Variants in BRINP2 observed in about 807,000 individuals in gnomAD.
The protein encoded by BRINP2 is BMP/retinoic acid-inducible neural-specific protein 2.
A neutral mutation model predicts 69.2 loss-of-function variants in BRINP2; 21 were observed. That is an observed-to-expected ratio of 0.30 (90% CI 0.22 to 0.44). BRINP2 has a LOEUF of 0.44. Among genes scored for constraint, BRINP2 ranks in the 20% least tolerant of loss-of-function variants. BRINP2 has a pLI of 1.00. For synonymous variants in BRINP2, 380 were observed against 394.1 expected (o/e 0.96, Z 0.42); for missense variants, 877 against 986.0 (o/e 0.89, Z 1.48).
At chr1:177,243,878 G>C (rs1483683958) in intron 2 of BRINP2, among the ~76,000 whole-genome samples, 1 of 150,552 alleles carries the variant, frequency 6.6e-6, no homozygotes, top group Non-Finnish European at 1.5e-5. Flanking sequence ...GAAAGAGCAT[G>C]AAGGATTTCA....
intron 4 of BRINP2, among the ~76,000 whole-genome samples, chr1:177,262,539 G>A (rs1650991255): frequency 6.6e-6 from 1 of 151,582 alleles, no homozygotes; most frequent in African/African-American, 2.4e-5. Context: ...CCATAGAGAG[G>A]GAGAAAGTGA....
At position 177,281,300 on chromosome 1, in the gene BRINP2, T is replaced by C. The variant is rs1651693960; in HGVS notation, c.2124T>C (p.Tyr708=). The C allele has an allele frequency of 6.2e-7, 1 of 1,614,058 alleles. No homozygotes were observed. Among genetic ancestry groups the C allele is most frequent in the Admixed American group, 1.7e-5 (1 of 60,002 alleles). ...TAATTCTCCAGTTGGACTACCCATA[T>C]ACTCAAGGTTCCCAGGACTCTGCAC... is the stretch of plus-strand genomic sequence containing the variant. ...RDLILQLDYP[Y]TQGSQDSALL... Residue 708 remains tyrosine (Y), a synonymous_variant, in exon 8 of 8, where the codon TAT becomes TAC. Transcript: ENST00000361539.
At chr1:177,210,984 A>AAT (rs574302399) in intron 1 of BRINP2, among the ~76,000 whole-genome samples, 4 of 141,720 alleles carry the variant, frequency 2.8e-5, no homozygotes, top group African/African-American at 7.5e-5. Flanking sequence ...TAGTAAATTT[A>AAT]ATATATATAT....
At chr1:177,211,722 G>A (rs1480634039) in intron 1 of BRINP2, among the ~76,000 whole-genome samples, 4 of 151,800 alleles carry the variant, frequency 2.6e-5, no homozygotes, top group African/African-American at 9.7e-5. Context: ...ATTACTGGTG[G>A]TATTAACTGA....
chr1:177,222,184 C>T lies in BRINP2; in HGVS notation c.-76-7617C>T, dbSNP rs142650327. ...TGTAAACAACAACAAAACAAACAAA[C>T]AAAAACTAAGATTGGATGAGTCTAT... On this transcript the variant is annotated intron_variant, in intron 1 of 7. Transcript: ENST00000361539. 3.7e-3 allele frequency among the ~76,000 whole-genome samples: 566 copies of T among 152,310 alleles called. 2 individuals are homozygous for T. The highest frequency in any genetic ancestry group is 6.3e-3 in the Admixed American group (97 of 15,300).
chr1:177,255,377 A>G (rs2102345869), intron 2 of BRINP2, among the ~76,000 whole-genome samples: 1 of 152,364 alleles, frequency 6.6e-6, no homozygotes, highest in Middle Eastern at 3.4e-3. Flanking sequence ...TTGATTTCTA[A>G]AATGGTAAAT....
intron 1 of BRINP2, among the ~76,000 whole-genome samples, chr1:177,225,112 G>A (rs1480533125): frequency 6.6e-6 from 1 of 152,176 alleles, no homozygotes; most frequent in Non-Finnish European, 1.5e-5. Context: ...GTCCTCAGCT[G>A]GGTAATAATC....
chr1:177,221,461 G>A (rs940629725), intron 1 of BRINP2, among the ~76,000 whole-genome samples: 5 of 152,100 alleles, frequency 3.3e-5, no homozygotes, highest in Admixed American at 2.0e-4. Context: ...ACCAGTGGTG[G>A]GTCTTTAAAT....
In BRINP2 at chr1:177,280,872, G is replaced by T. The variant is rs150033962; in HGVS notation, c.1696G>T (p.Val566Leu). The T allele has an allele frequency of 1.2e-6, 2 of 1,614,030 alleles. No individual in the cohort carries two copies. Among genetic ancestry groups the T allele is most frequent in the Non-Finnish European group, 1.7e-6 (2 of 1,180,000 alleles). The stretch of plus-strand genomic sequence containing the variant: ...CAAGTACAAGCCTGGGCTGGTGCAC[G>T]TGATGTTGGCCTTGTCCTTGCAGAT... The part of the protein sequence containing the change: ...SNKYKPGLVH[V>L]MLALSLQICL... Residue 566 changes from valine to leucine, a missense_variant, in exon 8 of 8, where the codon GTG becomes TTG. Val to Leu is a conservative substitution (Grantham distance 32). Around this residue, in one of 3 missense-constraint regions of BRINP2, gnomAD observed 86 missense variants for 142.1 expected, o/e 0.61. Transcript: ENST00000361539.
At chr1:177,209,455 C>G (rs1370402493) in intron 1 of BRINP2, among the ~76,000 whole-genome samples, 1 of 152,134 alleles carries the variant, frequency 6.6e-6, no homozygotes, top group Admixed American at 6.5e-5. Context: ...TCTGCCTGGG[C>G]CATCCTCACA....
chr1:177,180,437 C>T (rs1252888118), intron 1 of BRINP2, among the ~76,000 whole-genome samples: 2 of 152,144 alleles, frequency 1.3e-5, no homozygotes, highest in East Asian at 1.9e-4. Context: ...GGATATTACA[C>T]CTTATGTTGC....
chr1:177,249,479 T>C (rs1056010044), intron 2 of BRINP2, among the ~76,000 whole-genome samples: 1 of 152,314 alleles, frequency 6.6e-6, no homozygotes, highest in Non-Finnish European at 1.5e-5. Context: ...ACACTTTACA[T>C]AGGGACTATA....
In BRINP2 at chr1:177,226,129, T is replaced by C. The variant is rs376912533; in HGVS notation, c.-76-3672T>C. On this transcript the variant is annotated intron_variant, in intron 1 of 7. Transcript: ENST00000361539. ...GCACACAGGTTTTTCACATGTGTGC[T>C]CTCACCTGTCCTTAGAAACCTTCTC... Among the ~76,000 whole-genome samples, 31 of 152,362 alleles carry C rather than the reference T, an allele frequency of 2.0e-4. No homozygotes were observed. In the East Asian group the frequency reaches 5.4e-3, roughly 27 times the overall value.
At chr1:177,176,443 A>G (rs1055820413) in intron 1 of BRINP2, among the ~76,000 whole-genome samples, 2 of 151,834 alleles carry the variant, frequency 1.3e-5, no homozygotes, top group African/African-American at 4.8e-5. Context: ...TATTAAGATT[A>G]GTTTCACCCA....
chr1:177,207,559 C>G (rs1043102613), intron 1 of BRINP2, among the ~76,000 whole-genome samples: 1 of 152,096 alleles, frequency 6.6e-6, no homozygotes, highest in Non-Finnish European at 1.5e-5. Flanking sequence ...AAATACATGC[C>G]TCGAATCTGG....
rs1651710594 is a variant in BRINP2, at chr1:177,281,719, T to C, written c.*191T>C. 1 of 548,532 alleles carries C rather than the reference T, an allele frequency of 1.8e-6. No homozygotes were observed. The highest frequency in any genetic ancestry group is 5.1e-4 in the Middle Eastern group (1 of 1,954). 34.0% of individuals were successfully genotyped at this position (548,532 alleles called of 1,614,324 possible). A position where few individuals can be genotyped will look rare whatever the true frequency, so the allele number is the denominator to read the frequency against. ...GCTACTGCGTGCGTGCGCGCACGCA[T>C]ACACACACACACACACACACTGGCA... On this transcript the variant is annotated 3_prime_UTR_variant, in exon 8 of 8. Transcript: ENST00000361539.
chr1:177,281,240 C>T lies in BRINP2; in HGVS notation c.2064C>T (p.Tyr688=). The T allele has an allele frequency of 6.2e-7, 1 of 1,614,206 alleles. No individual in the cohort carries two copies. Among genetic ancestry groups the T allele is most frequent in the Non-Finnish European group, 8.5e-7 (1 of 1,180,036 alleles). The change falls in exon 8 of 8, where the codon TAC becomes TAT. Residue 688 remains tyrosine, a synonymous_variant. Transcript: ENST00000361539. The part of the protein sequence containing the change: ...MKINTLQVFG[Y]SLPFDPDAIR... ...TTAACACCTTGCAGGTCTTTGGCTACAGCCTGCCCTTTGACCCAGATGCTA... is the reference window on the plus strand; with the variant it reads ...TTAACACCTTGCAGGTCTTTGGCTATAGCCTGCCCTTTGACCCAGATGCTA...
At position 177,248,474 on chromosome 1, in the gene BRINP2, T is replaced by C. The variant is rs1490017849; in HGVS notation, c.270-7445T>C. 2.7e-5 allele frequency among the ~76,000 whole-genome samples: 4 copies of C among 147,020 alleles called. No individual in the cohort carries two copies. The East Asian group carries it at 5.9e-4, about 22-fold the overall frequency. On this transcript the variant is annotated intron_variant, in intron 2 of 7. Transcript: ENST00000361539. Reference sequence around the variant, plus strand: ...GTGTGTGCGTGCGTGTGTGTGTGCGTGTGTGTGTGTGTGTGCGTGCGTGTG... The same window carrying C: ...GTGTGTGCGTGCGTGTGTGTGTGCGCGTGTGTGTGTGTGTGCGTGCGTGTG...
chr1:177,277,367 G>A (rs779914862), intron 6 of BRINP2, among the ~76,000 whole-genome samples: 1 of 151,900 alleles, frequency 6.6e-6, no homozygotes, highest in Non-Finnish European at 1.5e-5. Context: ...AGAAAGGGAA[G>A]TTTAGGGCCC....
Sources: gnomAD v4.1 joint callset for allele counts (sites outside exome capture counted in the v4.1 genomes callset) on GRCh38, gnomAD v4.1.1 for gene constraint, gnomAD v4.1.1 regional missense constraint, MANE v1.5 for transcripts, NCBI Gene and HGNC (gene_info 2026-07-23, HGNC 2026-07-21) for gene names.